Variants in ATP2C1 observed in about 807,000 individuals in gnomAD.
The protein encoded by ATP2C1 is calcium-transporting ATPase type 2C member 1.
A neutral mutation model predicts 120.5 loss-of-function variants in ATP2C1; 31 were observed. That is an observed-to-expected ratio of 0.26 (90% CI 0.19 to 0.35). The LOEUF (loss-of-function observed/expected upper bound fraction) is 0.35. ATP2C1 is among the 10% of genes least tolerant of loss of function. The pLI, the probability that ATP2C1 is intolerant of heterozygous loss-of-function variation, is 1.00. For missense variants in ATP2C1, 731 were observed against 1,107.5 expected (o/e 0.66, Z 4.83); for synonymous variants, 351 against 358.7 (o/e 0.98, Z 0.24).
chr3:130,999,242 TA>T (rs1255041619), intron 26 of ATP2C1, among the ~76,000 whole-genome samples: 1 of 152,240 alleles, frequency 6.6e-6, no homozygotes, highest in African/African-American at 2.4e-5. Context: ...TTTGGGATGT[TA>T]AAAGGTTTCT....
intron 26 of ATP2C1, among the ~76,000 whole-genome samples, chr3:131,012,171 T>A (rs768707888): frequency 1.1e-4 from 17 of 152,116 alleles, no homozygotes; most frequent in Admixed American, 4.6e-4. Flanking sequence ...ACAGTTATAT[T>A]AATATAGTCT....
At chr3:130,947,105 A>G (rs1477484461) in intron 8 of ATP2C1, among the ~76,000 whole-genome samples, 1 of 152,188 alleles carries the variant, frequency 6.6e-6, no homozygotes, top group Non-Finnish European at 1.5e-5. Flanking sequence ...TGTGACACAG[A>G]GTTGCCCTAG....
rs1023275929 is a variant in ATP2C1 at position 130,980,824 on chromosome 3, G to A, written c.1839+145G>A. On this transcript the variant is annotated intron_variant, in intron 20 of 27. Coordinates refer to ENST00000510168, the MANE Select transcript of ATP2C1 (RefSeq NM_001378687.1). ...TTGTTGGTTCAAATCCTGAAATGAA[G>A]TCTTATCATTGAATTAGTCTTATCA... 19 of 673,288 alleles carry A rather than the reference G, an allele frequency of 2.8e-5. No individual in the cohort carries two copies. The African/African-American group carries it at 3.3e-4, about 12-fold the overall frequency. 41.7% of individuals were successfully genotyped at this position (673,288 alleles called of 1,614,324 possible).
chr3:130,961,539 A>C (rs1289936539), intron 12 of ATP2C1, among the ~76,000 whole-genome samples: 1 of 152,048 alleles, frequency 6.6e-6, no homozygotes, highest in Non-Finnish European at 1.5e-5. Flanking sequence ...AGATGACTAA[A>C]ACAATAAGAA....
intron 20 of ATP2C1, among the ~76,000 whole-genome samples, chr3:130,983,555 G>A (rs951347822): frequency 3.3e-5 from 5 of 152,192 alleles, no homozygotes; most frequent in Non-Finnish European, 1.5e-5. Context: ...AATGCATAAT[G>A]ACATATATCC....
chr3:130,940,842 G>A (rs1402346574), intron 7 of ATP2C1, 151 bp downstream of exon 7: 9 of 572,802 alleles, frequency 1.6e-5, no homozygotes, highest in African/African-American at 3.9e-5. Flanking sequence ...CATTAATGTA[G>A]CAAAACTGTA....
At chr3:130,986,682 C>T (rs1254348024) in intron 20 of ATP2C1, among the ~76,000 whole-genome samples, 1 of 152,134 alleles carries the variant, frequency 6.6e-6, no homozygotes, top group Non-Finnish European at 1.5e-5. Context: ...ACTAGCCCTG[C>T]CTCCCAGGTA....
chr3:130,913,769 A>G (rs1174080253), intron 2 of ATP2C1, among the ~76,000 whole-genome samples: 1 of 152,126 alleles, frequency 6.6e-6, no homozygotes, highest in Non-Finnish European at 1.5e-5. Flanking sequence ...TTTACTTTGA[A>G]ACTTTTGGAT....
chr3:130,943,623 C>T (rs1470014861), intron 8 of ATP2C1, among the ~76,000 whole-genome samples: 3 of 152,198 alleles, frequency 2.0e-5, no homozygotes, highest in Non-Finnish European at 2.9e-5. Context: ...TTCATCAGCA[C>T]GTTTTATTCT....
chr3:130,931,046 A>C (rs1199609996), intron 3 of ATP2C1, among the ~76,000 whole-genome samples: 1 of 152,128 alleles, frequency 6.6e-6, no homozygotes, highest in Non-Finnish European at 1.5e-5. Flanking sequence ...GTATCTATCG[A>C]AACATGAAAA....
At chr3:130,981,388 G>T (rs1222381799) in intron 20 of ATP2C1, among the ~76,000 whole-genome samples, 1 of 152,052 alleles carries the variant, frequency 6.6e-6, no homozygotes, top group Non-Finnish European at 1.5e-5. Context: ...GTTTGTTGTT[G>T]TTTTTTAAAG....
chr3:130,985,327 G>A (rs2061950138), intron 20 of ATP2C1, among the ~76,000 whole-genome samples: 1 of 152,040 alleles, frequency 6.6e-6, no homozygotes, highest in Non-Finnish European at 1.5e-5. Context: ...TAGCGGAAAA[G>A]GAAACTAAAA....
At chr3:130,995,449 T>C (rs919823711) in intron 22 of ATP2C1, among the ~76,000 whole-genome samples, 1 of 152,110 alleles carries the variant, frequency 6.6e-6, no homozygotes. Flanking sequence ...TTTTATGTAT[T>C]ATGAATGTGA....
chr3:130,972,070 C>T (rs964915819), intron 17 of ATP2C1, among the ~76,000 whole-genome samples: 64 of 152,232 alleles, frequency 4.2e-4, no homozygotes, highest in African/African-American at 1.5e-3. Context: ...GATGGTTTTG[C>T]GATGACACTG....
chr3:130,998,259 C>A, intron 25 of ATP2C1, 35 bp from the exon 26 acceptor site: 1 of 1,360,898 alleles, frequency 7.3e-7, no homozygotes, highest in Non-Finnish European at 1.1e-6. Context: ...TAAATTCAGC[C>A]ACTGAAAAGT....
rs2059592086 is a variant in ATP2C1 at position 130,934,706 on chromosome 3, A to G, written c.319A>G (p.Thr107Ala). 1.2e-6 allele frequency: 2 copies of G among 1,602,396 alleles called. No individual in the cohort carries two copies. Among genetic ancestry groups the G allele is most frequent in the Admixed American group, 1.7e-5 (1 of 59,972 alleles). The change falls in exon 5 of 28, where the codon ACT (threonine) becomes GCT (alanine). Residue 107 changes from threonine (T) to alanine (A), a missense_variant. Thr to Ala is a moderately conservative substitution (Grantham distance 58). Transcript: ENST00000510168. ...MHQFDDAVSI[T>A]VAILIVVTVA... ...TCAGTTTGATGATGCCGTCAGTATC[A>G]CTGTGGTAAGAAAAAAATTACATAT...
Position 130,980,606 on chromosome 3 carries a change from A to G in ATP2C1, c.1766A>G (p.Lys589Arg), listed in dbSNP as rs1048609704. 8.7e-6 allele frequency: 14 copies of G among 1,613,178 alleles called. No individual in the cohort carries two copies. The highest frequency in any genetic ancestry group is 1.2e-5 in the Non-Finnish European group (14 of 1,179,462). ...AIASRLGLYS[K>R]TSQSVSGEEI... is the part of the protein sequence containing the mutation. ...GCCAGTCGTCTGGGATTGTATTCCA[A>G]AACTTCCCAGTCAGTCTCAGGAGAA... Residue 589 changes from lysine (K) to arginine (R), a missense_variant, in exon 20 of 28, where the codon AAA becomes AGA. Physicochemically the swap from Lys to Arg is conservative, Grantham distance 26. Coordinates refer to ENST00000510168, the MANE Select transcript of ATP2C1 (RefSeq NM_001378687.1).
intron 20 of ATP2C1, among the ~76,000 whole-genome samples, chr3:130,983,944 A>G (rs1441994792): frequency 6.6e-6 from 1 of 152,192 alleles, no homozygotes; most frequent in Non-Finnish European, 1.5e-5. Context: ...CAGGTTTGGC[A>G]ATTATATATA....
chr3:130,992,974 C>T lies in ATP2C1; in HGVS notation c.1863C>T (p.Ser621=). The T allele has an allele frequency of 1.9e-6, 3 of 1,612,602 alleles. No homozygotes were observed. Among genetic ancestry groups the T allele is most frequent in the Non-Finnish European group, 2.5e-6 (3 of 1,178,956 alleles). ...VPKVAVFYRA[S]PRHKMKIIKS... Reference sequence around the variant, plus strand: ...AGGTTGCAGTATTTTACAGAGCTAGCCCAAGGCACAAGATGAAAATTATTA... The same window carrying T: ...AGGTTGCAGTATTTTACAGAGCTAGTCCAAGGCACAAGATGAAAATTATTA... The change falls in exon 21 of 28, where the codon AGC becomes AGT. Residue 621 remains serine (S), a synonymous_variant. Transcript: ENST00000510168.
Sources: allele counts gnomAD v4.1 joint callset (sites outside exome capture counted in the v4.1 genomes callset), GRCh38; gene constraint gnomAD v4.1.1; transcripts MANE v1.5; gene names NCBI Gene and HGNC (gene_info 2026-07-23, HGNC 2026-07-21).